SLC15A3: variants seen among roughly 807,000 people sequenced by gnomAD.
SLC15A3 encodes solute carrier family 15 member 3.
SLC15A3 carries 39 observed loss-of-function variants against 49.2 expected under a neutral mutation model. The ratio of observed to expected loss-of-function variants is 0.79; its 90% CI spans 0.61 to 1.04. The LOEUF (loss-of-function observed/expected upper bound fraction) is 1.04, where lower values mean the gene tolerates loss of function less well. SLC15A3 is among the 50% of genes least tolerant of loss of function. The pLI, the probability that SLC15A3 is intolerant of heterozygous loss-of-function variation, is 0.00. For missense variants in SLC15A3, 758 were observed against 794.8 expected, an observed-to-expected ratio of 0.95 and a Z score of 0.56; for synonymous variants, 339 against 367.0, an observed-to-expected ratio of 0.92 and a Z score of 0.87.
chr11:60,937,873 A>AGTCCTTGG lies in SLC15A3; in HGVS notation c.1580_1587dup (p.Phe530ProfsTer87), dbSNP rs767126313. 9.9e-6 allele frequency: 16 copies of AGTCCTTGG among 1,613,750 alleles called. No homozygotes were observed. Among genetic ancestry groups the AGTCCTTGG allele is most frequent in the Admixed American group, 1.7e-5 (1 of 59,962 alleles). ...CCTGGGGAGGCCCCATACTCACCAA[A>AGTCCTTGG]GTCCTTGGGGCAGTGCAGCCAGCCC... On this transcript the variant is annotated frameshift_variant, in exon 7 of 8. Transcript: ENST00000227880. LOFTEE classifies it low-confidence loss of function (END_TRUNC).
At chr11:60,942,348 C>T in intron 3 of SLC15A3, 1 of 540,270 alleles carries the variant, frequency 1.9e-6, no homozygotes, top group East Asian at 3.3e-5. Context: ...TGCTCTCAGG[C>T]CTGTAGGCAG....
chr11:60,938,123 C>T, intron 6 of SLC15A3, 98 bp from the exon 7 acceptor site: 1 of 1,427,956 alleles, frequency 7.0e-7, no homozygotes, highest in Non-Finnish European at 9.3e-7. Flanking sequence ...CCCCACCAAG[C>T]CACCCTCCAG....
At chr11:60,938,921 G>T (rs78559960) in intron 6 of SLC15A3, among the ~76,000 whole-genome samples, 2 of 152,148 alleles carry the variant, frequency 1.3e-5, no homozygotes, top group African/African-American at 2.4e-5. Flanking sequence ...CCCTGGGCCC[G>T]CAGCTGAGGA....
chr11:60,949,298 C>T (rs34302362), intron 1 of SLC15A3, among the ~76,000 whole-genome samples: 9 of 151,178 alleles, frequency 6.0e-5, no homozygotes, highest in Non-Finnish European at 1.3e-4. Context: ...GATCGCACCT[C>T]TGCACTCCAG....
chr11:60,938,070 C>T, intron 6 of SLC15A3, 45 bp from the exon 7 acceptor site: 1 of 1,598,986 alleles, frequency 6.3e-7, no homozygotes, highest in South Asian at 1.1e-5. Flanking sequence ...GGTGCAGGCG[C>T]AGAGAACAGG....
At chr11:60,938,062 T>G (rs765872733) in intron 6 of SLC15A3, 37 bp from the exon 7 acceptor site, 1 of 1,605,784 alleles carries the variant, frequency 6.2e-7, no homozygotes. Context: ...CAGGGGCTGG[T>G]GCAGGCGCAG....
rs377764682 is a variant in SLC15A3, at chr11:60,941,859, G to A, written c.1107+176C>T. 1.2e-3 allele frequency: 727 copies of A among 629,558 alleles called. 5 individuals carry two copies. In the South Asian group the frequency reaches 0.012, roughly 10 times the overall value. 39.0% of individuals were successfully genotyped at this position (629,558 alleles called of 1,614,324 possible). On this transcript the variant is annotated intron_variant, in intron 4 of 7. Coordinates refer to ENST00000227880, the MANE Select transcript of SLC15A3 (RefSeq NM_016582.3). Reference sequence around the variant, plus strand: ...ATTCCTTCAAGCAGTTGAGCATCTTGGCAGGATCCCTGCGCTGTGACACAA... The same window carrying A: ...ATTCCTTCAAGCAGTTGAGCATCTTAGCAGGATCCCTGCGCTGTGACACAA...
chr11:60,949,545 AAAG>A lies in SLC15A3; in HGVS notation c.558+1446_558+1448del, dbSNP rs1420660536. ...GAAAGAAAGAAAGAAAGAAAGAAAG[AAAG>A]AAAGAAAGAAAGAAAGAAAGAAAAG... is the stretch of plus-strand genomic sequence containing the variant. On this transcript the variant is annotated intron_variant, in intron 1 of 7. Coordinates refer to ENST00000227880, the MANE Select transcript of SLC15A3 (RefSeq NM_016582.3). Among the ~76,000 whole-genome samples the A allele has an allele frequency of 5.6e-4, 44 of 78,874 alleles. 1 individual carries two copies. Among genetic ancestry groups the A allele is most frequent in the Middle Eastern group, 6.0e-3 (1 of 166 alleles). 51.7% of individuals were successfully genotyped at this position (78,874 alleles called of 152,430 possible).
chr11:60,950,036 A>G (rs1856886189), intron 1 of SLC15A3, among the ~76,000 whole-genome samples: 1 of 152,234 alleles, frequency 6.6e-6, no homozygotes, highest in African/African-American at 2.4e-5. Context: ...CATTTAGCAA[A>G]TACTTATTAA....
In SLC15A3 at chr11:60,943,524, C is replaced by T. The variant is rs1398701595; in HGVS notation, c.996+165G>A. The T allele has an allele frequency of 1.4e-5, 9 of 642,692 alleles. 1 individual carries two copies. The East Asian group carries it at 1.7e-4, about 12-fold the overall frequency. The allele number at this position is 642,692 out of a possible 1,614,324, so 39.8% of individuals were successfully genotyped here. On this transcript the variant is annotated intron_variant, in intron 3 of 7. Coordinates refer to ENST00000227880, the MANE Select transcript of SLC15A3 (RefSeq NM_016582.3). The stretch of plus-strand genomic sequence containing the variant: ...CACCGAGGGAGTTGGATTGCTGAGA[C>T]GGCTTTGTGCCAGGCCCCATGCTAG...
chr11:60,941,537 C>T, intron 4 of SLC15A3: 2 of 451,980 alleles, frequency 4.4e-6, no homozygotes, highest in East Asian at 7.4e-5. Flanking sequence ...ATGGGCTCAG[C>T]ATAAAAAAAG....
At chr11:60,948,199 A>T (rs924710821) in intron 1 of SLC15A3, among the ~76,000 whole-genome samples, 7 of 152,128 alleles carry the variant, frequency 4.6e-5, no homozygotes, top group Non-Finnish European at 2.9e-5. Flanking sequence ...TCCATTGGAG[A>T]TTCTGCGGGG....
chr11:60,946,346 C>T (rs893287589), intron 2 of SLC15A3, among the ~76,000 whole-genome samples, 186 bp downstream of exon 2: 2 of 152,168 alleles, frequency 1.3e-5, no homozygotes, highest in African/African-American at 4.8e-5. Flanking sequence ...ACCACCACTA[C>T]CACCACTACC....
chr11:60,949,559 A>AGAAG lies in SLC15A3; in HGVS notation c.558+1434_558+1435insCTTC, dbSNP rs1590644903. Among the ~76,000 whole-genome samples, 5 of 74,384 alleles carry AGAAG rather than the reference A, an allele frequency of 6.7e-5. No homozygotes were observed. The East Asian group carries it at 8.6e-3, about 128-fold the overall frequency. 48.8% of individuals were successfully genotyped at this position (74,384 alleles called of 152,430 possible). On this transcript the variant is annotated intron_variant, in intron 1 of 7. Coordinates refer to ENST00000227880, the MANE Select transcript of SLC15A3 (RefSeq NM_016582.3). Reference sequence around the variant, plus strand: ...AAGAAAGAAAGAAAGAAAGAAAGAAAGAAAGAAAGAAAAGAGATGGCCAGG... The same window carrying AGAAG: ...AAGAAAGAAAGAAAGAAAGAAAGAAAGAAGGAAAGAAAGAAAAGAGATGGCCAGG...
chr11:60,952,015 G>T lies in SLC15A3; in HGVS notation c.-464C>A, dbSNP rs1021058217. ...GACTCCTGGCCTGCCCTGGGCGTGG[G>T]GTGGGGGCTCCCTCTGCCCCAGTCA... On this transcript the variant is annotated 5_prime_UTR_variant, in exon 1 of 8. Transcript: ENST00000227880. 4.6e-5 allele frequency among the ~76,000 whole-genome samples: 7 copies of T among 151,566 alleles called. No homozygotes were observed. The highest frequency in any genetic ancestry group is 1.7e-4 in the African/African-American group (7 of 41,230).
At position 60,951,747 on chromosome 11, in the gene SLC15A3, T is replaced by G; in HGVS notation, c.-196A>C. 4.3e-6 allele frequency: 1 copy of G among 230,108 alleles called. No homozygotes were observed. Among genetic ancestry groups the G allele is most frequent in the African/African-American group, 2.5e-5 (1 of 40,782 alleles). The allele number at this position is 230,108 out of a possible 1,614,324, so 14.3% of individuals were successfully genotyped here. A position where few individuals can be genotyped will look rare whatever the true frequency, so the allele number is the denominator to read the frequency against. On this transcript the variant is annotated 5_prime_UTR_variant, in exon 1 of 8. Coordinates refer to ENST00000227880, the MANE Select transcript of SLC15A3 (RefSeq NM_016582.3). Reference sequence around the variant, plus strand: ...CTACCCTTCCTGTCCCTCCGCTCACTACCCGGACTCTACCACCTCCTCCCT... The same window carrying G: ...CTACCCTTCCTGTCCCTCCGCTCACGACCCGGACTCTACCACCTCCTCCCT...
In SLC15A3 at chr11:60,951,379, A is replaced by C. The variant is rs767714748; in HGVS notation, c.173T>G (p.Leu58Arg). The C allele has an allele frequency of 1.6e-5, 25 of 1,549,884 alleles. No homozygotes were observed. In the South Asian group the frequency reaches 2.4e-4, roughly 15 times the overall value. Reference protein sequence around the residue: ...AFFGVTANLVLYLNSTNFNWT... With the variant: ...AFFGVTANLVRYLNSTNFNWT... ...GTTGAAGTTGGTGCTGTTGAGGTAC[A>C]GCACGAGGTTGGCGGTGACGCCGAA... Residue 58 changes from leucine (L) to arginine (R), a missense_variant, in exon 1 of 8, where the codon CTG becomes CGG. By Grantham distance (102) the Leu-to-Arg change is moderately radical. Transcript: ENST00000227880.
intron 5 of SLC15A3, 102 bp downstream of exon 5, chr11:60,941,020 G>T: frequency 7.4e-7 from 1 of 1,342,594 alleles, no homozygotes; most frequent in Non-Finnish European, 1.0e-6. Context: ...CACTGGGAGA[G>T]GCTGAACTTG....
intron 4 of SLC15A3, 62 bp downstream of exon 4, chr11:60,941,971 CCT>C: frequency 1.3e-6 from 2 of 1,486,340 alleles, no homozygotes; most frequent in Non-Finnish European, 1.9e-6. Flanking sequence ...TTCATTTCCT[CCT>C]CTTCTCAGAG....
Sources: allele counts gnomAD v4.1 joint callset (sites outside exome capture counted in the v4.1 genomes callset), GRCh38; gene constraint gnomAD v4.1.1; transcripts MANE v1.5; gene names NCBI Gene and HGNC (gene_info 2026-07-23, HGNC 2026-07-21).